TBC1D1: variants seen among roughly 807,000 people sequenced by gnomAD.
TBC1D1 encodes the protein TBC1 (tre-2/USP6, BUB2, cdc16) domain family, member 1.
A neutral mutation model predicts 125.6 loss-of-function variants in TBC1D1; 89 were observed. The ratio of observed to expected loss-of-function variants is 0.71; its 90% CI spans 0.60 to 0.85. TBC1D1 has a LOEUF of 0.85. Among genes scored for constraint, TBC1D1 ranks in the 40% least tolerant of loss-of-function variants. The probability of loss-of-function intolerance (pLI) is 0.00; values close to 1 mark genes in which losing one functional copy is unlikely to be tolerated. For synonymous variants in TBC1D1, 565 were observed against 564.1 expected, an observed-to-expected ratio of 1.00 and a Z score of -0.02; for missense variants, 1,377 against 1,469.2, an observed-to-expected ratio of 0.94 and a Z score of 1.03.
At chr4:38,037,000 T>G (rs1055880100) in intron 8 of TBC1D1, among the ~76,000 whole-genome samples, 19 of 152,172 alleles carry the variant, frequency 1.2e-4, no homozygotes, top group Non-Finnish European at 7.3e-5. Flanking sequence ...CTTTTTCCCC[T>G]CTTGTGCCAC....
intron 7 of TBC1D1, among the ~76,000 whole-genome samples, chr4:38,029,630 G>A (rs1300944907): frequency 6.6e-6 from 1 of 152,114 alleles, no homozygotes; most frequent in Non-Finnish European, 1.5e-5. Context: ...GCCTCCCAAA[G>A]TGCTGGGATT....
intron 12 of TBC1D1, among the ~76,000 whole-genome samples, chr4:38,064,979 G>A (rs1753443700): frequency 6.6e-6 from 1 of 151,526 alleles, no homozygotes; most frequent in East Asian, 1.9e-4. Context: ...CACCCAGGCT[G>A]GAGTGCAGGG....
intron 7 of TBC1D1, among the ~76,000 whole-genome samples, chr4:38,035,032 G>A (rs761266850): frequency 6.6e-6 from 1 of 152,296 alleles, no homozygotes; most frequent in South Asian, 2.1e-4. Flanking sequence ...GCTGTGCCAC[G>A]ACCCTGTCTA....
Position 37,961,049 on chromosome 4 carries a change from C to T in TBC1D1, c.418-53460C>T, listed in dbSNP as rs774281197. On this transcript the variant is annotated intron_variant, in intron 2 of 19. Transcript: ENST00000261439. ...TGCTATGACATAGATATTTAAATTT[C>T]TTAGTGCTTTGGAGTTTGTGTGTAC... is the stretch of plus-strand genomic sequence containing the variant. 1.4e-5 allele frequency: 22 copies of T among 1,609,518 alleles called. No individual in the cohort carries two copies. The Admixed American group carries it at 3.3e-4, about 24-fold the overall frequency.
At chr4:38,002,282 A>G (rs918044473) in intron 2 of TBC1D1, among the ~76,000 whole-genome samples, 2 of 152,244 alleles carry the variant, frequency 1.3e-5, no homozygotes, top group South Asian at 2.1e-4. Context: ...GAAAAAATAT[A>G]CTAAGCAGTT....
chr4:38,041,696 C>T (rs925026351), intron 8 of TBC1D1, among the ~76,000 whole-genome samples: 2 of 152,322 alleles, frequency 1.3e-5, no homozygotes, highest in African/African-American at 4.8e-5. Context: ...AGCTAATTTA[C>T]AGAAGGATGT....
Position 37,984,286 on chromosome 4 carries a change from A to T in TBC1D1, c.418-30223A>T, listed in dbSNP as rs569668896. ...CTCCTTTGAGTAGATATCAAGAAGTATGATTGATAGATTGTAATGTAAGAT... is the reference window on the plus strand; with the variant it reads ...CTCCTTTGAGTAGATATCAAGAAGTTTGATTGATAGATTGTAATGTAAGAT... On this transcript the variant is annotated intron_variant, in intron 2 of 19. Coordinates refer to ENST00000261439, the MANE Select transcript of TBC1D1 (RefSeq NM_015173.4). 3.9e-5 allele frequency among the ~76,000 whole-genome samples: 6 copies of T among 152,300 alleles called. No individual in the cohort carries two copies. In the South Asian group the frequency reaches 1.2e-3, roughly 32 times the overall value.
At chr4:38,122,108 AGTG>A (rs986430571) in intron 17 of TBC1D1, among the ~76,000 whole-genome samples, 14 of 152,136 alleles carry the variant, frequency 9.2e-5, no homozygotes, top group South Asian at 2.1e-4. Context: ...GAATGGGAGG[AGTG>A]GTGGTGAGTG....
intron 12 of TBC1D1, among the ~76,000 whole-genome samples, chr4:38,074,030 G>A (rs1194023575): frequency 1.3e-5 from 2 of 152,184 alleles, no homozygotes; most frequent in Non-Finnish European, 2.9e-5. Flanking sequence ...ATAGTGTGCT[G>A]CTGGTAGTTT....
intron 6 of TBC1D1, among the ~76,000 whole-genome samples, chr4:38,024,954 T>C (rs1744784822): frequency 6.6e-6 from 1 of 152,242 alleles, no homozygotes; most frequent in Admixed American, 6.5e-5. Context: ...TGATGTTGAT[T>C]AGCTGCACTC....
At chr4:38,036,990 C>A (rs956763832) in intron 8 of TBC1D1, among the ~76,000 whole-genome samples, 1 of 152,100 alleles carries the variant, frequency 6.6e-6, no homozygotes, top group Admixed American at 6.5e-5. Context: ...TTTCCACTCC[C>A]TTTTTCCCCT....
chr4:38,068,198 G>T (rs145705555), intron 12 of TBC1D1, among the ~76,000 whole-genome samples: 3 of 152,118 alleles, frequency 2.0e-5, no homozygotes, highest in Non-Finnish European at 4.4e-5. Flanking sequence ...CAAAACTGTC[G>T]CGGAAATCCC....
At chr4:37,901,876 A>G in intron 1 of TBC1D1, 127 bp from the exon 2 acceptor site, 1 of 465,894 alleles carries the variant, frequency 2.1e-6, no homozygotes, top group Admixed American at 3.9e-5. Context: ...CTAGGCAGAG[A>G]AGCTTATTTG....
At chr4:38,023,496 G>A (rs903394366) in intron 6 of TBC1D1, among the ~76,000 whole-genome samples, 3 of 152,078 alleles carry the variant, frequency 2.0e-5, no homozygotes, top group African/African-American at 7.3e-5. Context: ...TGCCAACTCC[G>A]CTCCTTCTCA....
At chr4:38,075,015 T>A (rs1427611838) in intron 12 of TBC1D1, among the ~76,000 whole-genome samples, 1 of 152,184 alleles carries the variant, frequency 6.6e-6, no homozygotes, top group African/African-American at 2.4e-5. Context: ...TGCCTTGGTC[T>A]CCCAAAGTGC....
chr4:38,089,861 T>C (rs1374695660), intron 12 of TBC1D1, 71 bp from the exon 15 acceptor site: 3 of 1,426,612 alleles, frequency 2.1e-6, no homozygotes, highest in African/African-American at 2.9e-5. Flanking sequence ...AATTTGCTGA[T>C]TTGACACTGT....
At chr4:38,123,910 G>A (rs1215977994) in intron 17 of TBC1D1, among the ~76,000 whole-genome samples, 2 of 152,180 alleles carry the variant, frequency 1.3e-5, no homozygotes, top group African/African-American at 4.8e-5. Context: ...TTGCTTTTCT[G>A]TTTCTTCGTG....
intron 7 of TBC1D1, among the ~76,000 whole-genome samples, chr4:38,033,868 T>C (rs1208007103): frequency 6.6e-6 from 1 of 152,242 alleles, no homozygotes; most frequent in African/African-American, 2.4e-5. Context: ...TATGGCTTGA[T>C]AGCTTATTTC....
intron 8 of TBC1D1, among the ~76,000 whole-genome samples, chr4:38,042,840 G>T (rs971244028): frequency 2.6e-5 from 4 of 152,218 alleles, no homozygotes; most frequent in Admixed American, 6.5e-5. Context: ...ACACTTTTCT[G>T]TGTGCTTGAA....
Sources: allele counts gnomAD v4.1 joint callset (sites outside exome capture counted in the v4.1 genomes callset), GRCh38; gene constraint gnomAD v4.1.1; transcripts MANE v1.5; gene names NCBI Gene and HGNC (gene_info 2026-07-23, HGNC 2026-07-21).